DLC1: variants seen among roughly 807,000 people sequenced by gnomAD.
DLC1 encodes rho GTPase-activating protein 7.
In DLC1, 54 loss-of-function variants were observed where a neutral mutation model predicts 140.3. That is an observed-to-expected ratio of 0.38 (90% CI 0.31 to 0.48). The LOEUF (loss-of-function observed/expected upper bound fraction) is 0.48. Among genes scored for constraint, DLC1 ranks in the 20% least tolerant of loss-of-function variants. The pLI is 0.96. For missense variants in DLC1, 2,536 were observed against 1,907.0 expected, an observed-to-expected ratio of 1.33 and a Z score of -6.14; for synonymous variants, 986 against 728.1, an observed-to-expected ratio of 1.35 and a Z score of -5.70.
chr8:13,459,099 A>G (rs1461795952), intron 2 of DLC1, among the ~76,000 whole-genome samples: 1 of 152,230 alleles, frequency 6.6e-6, no homozygotes, highest in Non-Finnish European at 1.5e-5. Flanking sequence ...AATGAACCAT[A>G]GTTTGATTTT....
intron 2 of DLC1, among the ~76,000 whole-genome samples, chr8:13,475,009 C>T (rs1046768257): frequency 4.3e-4 from 65 of 152,114 alleles, no homozygotes; most frequent in African/African-American, 1.3e-3. Context: ...GAAAGAGTTT[C>T]GCCATATTGC....
chr8:13,246,504 G>A (rs1359462772), intron 5 of DLC1, among the ~76,000 whole-genome samples: 1 of 152,102 alleles, frequency 6.6e-6, no homozygotes, highest in Non-Finnish European at 1.5e-5. Flanking sequence ...GAGAAGGAGA[G>A]AGTATGACTG....
In DLC1 at chr8:13,284,379, T is replaced by C. The variant is rs1831469776; in HGVS notation, c.1348+20890A>G. Among the ~76,000 whole-genome samples the C allele has an allele frequency of 6.6e-5, 10 of 151,974 alleles. No individual in the cohort carries two copies. The South Asian group carries it at 2.1e-3, about 32-fold the overall frequency. ...CCGTCTCTACTAAAAATAGAAAAAT[T>C]AGCTGGGCGTGGTGGCGGGCGCCTG... On this transcript the variant is annotated intron_variant, in intron 5 of 17. Coordinates refer to ENST00000276297, the MANE Select transcript of DLC1 (RefSeq NM_182643.3).
chr8:13,297,286 A>AAAAAAAAAAAAAAAAACAAAACAAAAC (rs1294211302), intron 5 of DLC1, among the ~76,000 whole-genome samples: 1 of 141,082 alleles, frequency 7.1e-6, no homozygotes, highest in African/African-American at 2.6e-5. Context: ...ATACATTAAA[A>AAAAAAAAAAAAAAAAACAAAACAAAAC]AAAAAAAAAA....
chr8:13,568,790 C>T (rs1455053617), intron 1 of DLC1, among the ~76,000 whole-genome samples: 1 of 152,134 alleles, frequency 6.6e-6, no homozygotes, highest in East Asian at 1.9e-4. Flanking sequence ...AACAGAGAAG[C>T]CATGTAAAGA....
rs942149293 is a variant in DLC1, at chr8:13,323,851, T to C, written c.1315-18549A>G. 2.0e-5 allele frequency among the ~76,000 whole-genome samples: 3 copies of C among 152,204 alleles called. No individual in the cohort carries two copies. In the East Asian group the frequency reaches 5.8e-4, roughly 29 times the overall value. ...TATTATTTCTTTTGAAAATAAATAT[T>C]TTTCTGATTCTAAAATAAAAGCATT... On this transcript the variant is annotated intron_variant, in intron 4 of 17. Transcript: ENST00000276297.
intron 2 of DLC1, among the ~76,000 whole-genome samples, chr8:13,466,851 A>G (rs956364088): frequency 3.9e-5 from 6 of 152,152 alleles, no homozygotes; most frequent in African/African-American, 1.4e-4. Context: ...TTAAAGTCAT[A>G]ATGAGGTACC....
intron 4 of DLC1, among the ~76,000 whole-genome samples, chr8:13,379,949 A>G (rs114675220): frequency 0.011 from 1,687 of 152,284 alleles, 51 homozygotes; most frequent in African/African-American, 0.038. Context: ...GAACAATGAG[A>G]ACACATAGAC....
intron 4 of DLC1, among the ~76,000 whole-genome samples, chr8:13,386,870 A>G (rs1225585243): frequency 1.3e-5 from 2 of 151,998 alleles, no homozygotes; most frequent in Non-Finnish European, 2.9e-5. Context: ...TTTCTTTCTA[A>G]TAAACAATGA....
chr8:13,206,411 G>A (rs577016398), intron 5 of DLC1, among the ~76,000 whole-genome samples: 15 of 152,186 alleles, frequency 9.9e-5, no homozygotes, highest in South Asian at 4.1e-4. Context: ...TTTCTAATAC[G>A]TCTCGGCTTA....
chr8:13,579,245 C>CATATATATAT (rs749246152), intron 1 of DLC1, among the ~76,000 whole-genome samples: 2,486 of 18,848 alleles, frequency 0.13, 484 homozygotes, highest in East Asian at 0.18. Flanking sequence ...GAACAGGGAG[C>CATATATATAT]ATATATATAT....
chr8:13,578,943 G>T (rs73212148), intron 1 of DLC1, among the ~76,000 whole-genome samples: 1 of 151,904 alleles, frequency 6.6e-6, no homozygotes, highest in African/African-American at 2.4e-5. Flanking sequence ...GGTTGAGGGG[G>T]TGGGGCTGAA....
chr8:13,552,537 A>G (rs1803902003), intron 1 of DLC1, among the ~76,000 whole-genome samples: 1 of 151,384 alleles, frequency 6.6e-6, no homozygotes, highest in Admixed American at 6.6e-5. Flanking sequence ...CCTTAAAAAC[A>G]TGAGTGAATA....
At chr8:13,573,866 T>C (rs1804748600) in intron 1 of DLC1, among the ~76,000 whole-genome samples, 1 of 152,276 alleles carries the variant, frequency 6.6e-6, no homozygotes, top group East Asian at 1.9e-4. Context: ...AAAAGTTCAT[T>C]TTATGACACT....
chr8:13,199,479 C>T (rs1054269190), intron 5 of DLC1, among the ~76,000 whole-genome samples: 2 of 152,212 alleles, frequency 1.3e-5, no homozygotes, highest in South Asian at 4.1e-4. Context: ...CTGGGCCCCG[C>T]GTTCTCATTC....
chr8:13,574,584 T>G (rs1585291119), intron 1 of DLC1, among the ~76,000 whole-genome samples: 1 of 152,196 alleles, frequency 6.6e-6, no homozygotes, highest in Middle Eastern at 3.4e-3. Context: ...AGTACATAAT[T>G]ATACAAATGT....
intron 5 of DLC1, among the ~76,000 whole-genome samples, chr8:13,144,518 C>T (rs779344030): frequency 1.3e-5 from 2 of 152,286 alleles, no homozygotes; most frequent in South Asian, 4.1e-4. Context: ...GTAATATCAG[C>T]ACTTTGGGAG....
At chr8:13,394,413 T>C (rs1836922553) in intron 3 of DLC1, among the ~76,000 whole-genome samples, 2 of 152,198 alleles carry the variant, frequency 1.3e-5, no homozygotes, top group Non-Finnish European at 2.9e-5. Context: ...TATGTTTTCT[T>C]AGCAACTACT....
chr8:13,099,342 C>T lies in DLC1; in HGVS notation c.2990+5G>A. ...CACACCCGGAGGCAGGAGAAAAGTT[C>T]TTACCTGTTGGACCTGGTTAGGGAA... On this transcript the variant is annotated splice_donor_5th_base_variant and intron_variant, in intron 9 of 17. Coordinates refer to ENST00000276297, the MANE Select transcript of DLC1 (RefSeq NM_182643.3). The T allele has an allele frequency of 6.2e-7, 1 of 1,611,450 alleles. No individual in the cohort carries two copies. Among genetic ancestry groups the T allele is most frequent in the Non-Finnish European group, 8.5e-7 (1 of 1,178,868 alleles).
Sources: gnomAD v4.1 joint callset for allele counts (sites outside exome capture counted in the v4.1 genomes callset) on GRCh38, gnomAD v4.1.1 for gene constraint, MANE v1.5 for transcripts, NCBI Gene and HGNC (gene_info 2026-07-23, HGNC 2026-07-21) for gene names.